CC2D2A: variants seen among roughly 807,000 people sequenced by gnomAD.
CC2D2A encodes coiled-coil and C2 domain containing 2A.
In CC2D2A, 155 loss-of-function variants were observed where a neutral mutation model predicts 212.9. That is an observed-to-expected ratio of 0.73 (90% CI 0.64 to 0.83). The LOEUF (loss-of-function observed/expected upper bound fraction) is 0.83, where lower values mean the gene tolerates loss of function less well. Among genes scored for constraint, CC2D2A ranks in the 40% least tolerant of loss-of-function variants. CC2D2A has a pLI of 0.00. For missense variants in CC2D2A, 1,856 were observed against 1,956.2 expected, an observed-to-expected ratio of 0.95 and a Z score of 0.97; for synonymous variants, 667 against 686.5, an observed-to-expected ratio of 0.97 and a Z score of 0.44.
In CC2D2A at chr4:15,527,474, C is replaced by T; in HGVS notation, c.1177C>T (p.His393Tyr). 2 of 1,613,398 alleles carry T rather than the reference C, an allele frequency of 1.2e-6. No homozygotes were observed. The highest frequency in any genetic ancestry group is 2.2e-5 in the South Asian group (2 of 90,940). ...TGTAAAATACGTTCACAGTAGTCAG[C>T]ATGTGATCAGATCTGGAGACCCTCC... is the stretch of plus-strand genomic sequence containing the variant. ...KAVKYVHSSQ[H>Y]VIRSGDPPGN... Residue 393 changes from histidine (H) to tyrosine (Y), a missense_variant, in exon 12 of 37, where the codon CAT becomes TAT. His to Tyr is a moderately conservative substitution (Grantham distance 83, BLOSUM62 2). Coordinates refer to ENST00000424120, the MANE Select transcript of CC2D2A (RefSeq NM_001378615.1).
intron 6 of CC2D2A, among the ~76,000 whole-genome samples, chr4:15,506,552 G>A (rs1246256637): frequency 1.3e-5 from 2 of 152,044 alleles, no homozygotes; most frequent in African/African-American, 4.8e-5. Context: ...CCTATACACA[G>A]CCAAGTTTCT....
chr4:15,597,312 G>C, intron 34 of CC2D2A, 95 bp from the exon 35 acceptor site: 1 of 897,104 alleles, frequency 1.1e-6, no homozygotes, highest in Non-Finnish European at 1.8e-6. Flanking sequence ...ATATCTCGAT[G>C]TCTGAGATTT....
chr4:15,482,441 C>G (rs1294488637), intron 4 of CC2D2A: 1 of 405,846 alleles, frequency 2.5e-6, no homozygotes. Flanking sequence ...GCCAGCATGG[C>G]CGGTTTCCAG....
At chr4:15,586,545 CA>C (rs1380269065) in intron 31 of CC2D2A, among the ~76,000 whole-genome samples, 1 of 152,028 alleles carries the variant, frequency 6.6e-6, no homozygotes, top group African/African-American at 2.4e-5. Context: ...TGAAAAATAC[CA>C]AAATTACATT....
At position 15,589,611 on chromosome 4, in the gene CC2D2A, C is replaced by G. The variant is rs772711096; in HGVS notation, c.4246C>G (p.His1416Asp). 1 of 1,612,342 alleles carries G rather than the reference C, an allele frequency of 6.2e-7. No individual in the cohort carries two copies. Among genetic ancestry groups the G allele is most frequent in the Non-Finnish European group, 8.5e-7 (1 of 1,178,872 alleles). ...RYLIWNPCSG[H>D]FYGQFDTFCP... is the part of the protein sequence containing the mutation. ...TTTAATATGGAATCCCTGCAGTGGA[C>G]ATTTTTATGGACAATTTGATACATT... Residue 1416 changes from histidine to aspartate, a missense_variant, in exon 33 of 37, where the codon CAT becomes GAT. His to Asp is a moderately conservative substitution (Grantham distance 81). Coordinates refer to ENST00000424120, the MANE Select transcript of CC2D2A (RefSeq NM_001378615.1).
chr4:15,524,295 G>A (rs569498808), intron 11 of CC2D2A, among the ~76,000 whole-genome samples: 330 of 151,910 alleles, frequency 2.2e-3, no homozygotes, highest in African/African-American at 7.7e-3. Flanking sequence ...ACCAAACCCG[G>A]CTAACTTTTG....
intron 29 of CC2D2A, among the ~76,000 whole-genome samples, chr4:15,578,958 A>T (rs779167772): frequency 2.0e-5 from 3 of 152,160 alleles, no homozygotes; most frequent in African/African-American, 7.2e-5. Context: ...ATTAATTTTT[A>T]AAATAAAATT....
At chr4:15,509,484 G>A (rs1279189057) in intron 6 of CC2D2A, among the ~76,000 whole-genome samples, 2 of 152,156 alleles carry the variant, frequency 1.3e-5, no homozygotes, top group African/African-American at 4.8e-5. Flanking sequence ...ATGTTTGCCA[G>A]GCTGGTCTTG....
chr4:15,582,003 G>A (rs975956737), intron 30 of CC2D2A, among the ~76,000 whole-genome samples: 1 of 152,124 alleles, frequency 6.6e-6, no homozygotes, highest in African/African-American at 2.4e-5. Flanking sequence ...GAAGAATCAG[G>A]CCATAGTAAC....
chr4:15,528,553 G>A, intron 12 of CC2D2A, 67 bp from the exon 13 acceptor site: 2 of 1,297,834 alleles, frequency 1.5e-6, no homozygotes, highest in African/African-American at 1.5e-5. Flanking sequence ...AGAAGTGGGT[G>A]GGTCCAGTTG....
intron 11 of CC2D2A, among the ~76,000 whole-genome samples, chr4:15,526,831 A>G (rs1398303085): frequency 6.6e-6 from 1 of 152,190 alleles, no homozygotes; most frequent in Non-Finnish European, 1.5e-5. Flanking sequence ...TTATATACCA[A>G]ACGATCCAAG....
intron 17 of CC2D2A, among the ~76,000 whole-genome samples, chr4:15,542,809 T>G (rs1718528056): frequency 6.6e-6 from 1 of 152,136 alleles, no homozygotes; most frequent in East Asian, 1.9e-4. Context: ...GGGCAGCTCT[T>G]CTAATGAACC....
At chr4:15,562,883 T>C (rs1719685314) in intron 23 of CC2D2A, among the ~76,000 whole-genome samples, 1 of 152,178 alleles carries the variant, frequency 6.6e-6, no homozygotes, top group Admixed American at 6.5e-5. Flanking sequence ...TAATAGGAGC[T>C]CAAGAGGTTT....
chr4:15,596,340 A>G (rs1186214526), intron 34 of CC2D2A, 133 bp downstream of exon 34: 1 of 664,190 alleles, frequency 1.5e-6, no homozygotes, highest in African/African-American at 1.9e-5. Flanking sequence ...AGCTCAACTC[A>G]CAACAAGAAA....
chr4:15,495,097 T>C (rs556996075), intron 4 of CC2D2A, among the ~76,000 whole-genome samples: 23 of 152,200 alleles, frequency 1.5e-4, no homozygotes, highest in Admixed American at 2.6e-4. Flanking sequence ...AAATACCCAA[T>C]GTCTGTTGTT....
At chr4:15,534,408 A>C (rs1015993396) in intron 14 of CC2D2A, among the ~76,000 whole-genome samples, 11 of 152,210 alleles carry the variant, frequency 7.2e-5, no homozygotes, top group Non-Finnish European at 1.3e-4. Flanking sequence ...ATTCTATGAT[A>C]TTGTCTCCTA....
intron 27 of CC2D2A, among the ~76,000 whole-genome samples, 166 bp downstream of exon 27, chr4:15,569,555 G>T (rs571421136): frequency 6.6e-6 from 1 of 152,158 alleles, no homozygotes; most frequent in Non-Finnish European, 1.5e-5. Context: ...AAGCAAAAGC[G>T]AGTTTATTAG....
intron 1 of CC2D2A, among the ~76,000 whole-genome samples, chr4:15,471,602 A>G (rs1334860167): frequency 1.3e-5 from 2 of 151,252 alleles, no homozygotes; most frequent in South Asian, 2.1e-4. Flanking sequence ...CCTTCAAGGT[A>G]GGAAGTATGA....
Position 15,538,038 on chromosome 4 carries a change from G to GTCAC in CC2D2A, c.1904_1905insTCAC (p.Arg635SerfsTer31). On this transcript the variant is annotated frameshift_variant, in exon 16 of 37. Coordinates refer to ENST00000424120, the MANE Select transcript of CC2D2A (RefSeq NM_001378615.1). LOFTEE classifies it high-confidence loss of function. ...CGGGCAGTGATAGAGCAGGAGGTGA[G>GTCAC]GGAGAGAGCAGCCCAGAGCAGGAGG... The GTCAC allele has an allele frequency of 6.2e-7, 1 of 1,608,286 alleles. No individual in the cohort carries two copies. Among genetic ancestry groups the GTCAC allele is most frequent in the East Asian group, 2.2e-5 (1 of 44,694 alleles).
Sources: allele counts gnomAD v4.1 joint callset (sites outside exome capture counted in the v4.1 genomes callset), GRCh38; gene constraint gnomAD v4.1.1; transcripts MANE v1.5; gene names NCBI Gene and HGNC (gene_info 2026-07-23, HGNC 2026-07-21).